SCNN1A: variants seen among roughly 807,000 people sequenced by gnomAD.
SCNN1A encodes sodium channel epithelial 1 subunit alpha.
SCNN1A carries 65 observed loss-of-function variants against 68.6 expected under a neutral mutation model. That is an observed-to-expected ratio of 0.95 (90% CI 0.78 to 1.16). The LOEUF is 1.16. Ranked by LOEUF, SCNN1A falls within the 50% of genes most tolerant of loss-of-function variation. SCNN1A has a pLI of 0.00. For synonymous variants in SCNN1A, 357 were observed against 353.3 expected (o/e 1.01, Z -0.12); for missense variants, 880 against 865.9 (o/e 1.02, Z -0.20).
chr12:6,358,640 C>T (rs1948534821), intron 4 of SCNN1A, among the ~76,000 whole-genome samples: 2 of 152,052 alleles, frequency 1.3e-5, no homozygotes, highest in African/African-American at 4.8e-5. Context: ...AGGAGGATGG[C>T]TTGAGCTCAG....
chr12:6,354,656 T>C, intron 7 of SCNN1A, 94 bp downstream of exon 7: 2 of 1,113,766 alleles, frequency 1.8e-6, no homozygotes, highest in Non-Finnish European at 2.6e-6. Flanking sequence ...CCAGTTTCCC[T>C]CTCTCTCTCT....
upstream of SCNN1A, chr12:6,376,207 C>T (rs748408615): frequency 1.9e-4 from 186 of 984,288 alleles, no homozygotes; most frequent in African/African-American, 2.1e-4. Context: ...AGGTGGGATG[C>T]GTCTGCCTCC....
chr12:6,362,523 C>T (rs1565482132), intron 3 of SCNN1A, among the ~76,000 whole-genome samples: 2 of 152,066 alleles, frequency 1.3e-5, no homozygotes, highest in Non-Finnish European at 2.9e-5. Context: ...GTGGAAGGAG[C>T]AAGACTTTCC....
upstream of SCNN1A, chr12:6,375,570 A>G: frequency 6.5e-7 from 1 of 1,528,820 alleles, no homozygotes; most frequent in Non-Finnish European, 8.8e-7. Flanking sequence ...AAGCGACAGG[A>G]ATCTCATTAG....
At chr12:6,348,875 A>G in intron 11 of SCNN1A, 73 bp from the exon 12 acceptor site, 2 of 1,603,908 alleles carry the variant, frequency 1.2e-6, no homozygotes. Context: ...AATCAACCAT[A>G]TCGATCCCTC....
In SCNN1A at chr12:6,363,528, G is replaced by GC. The variant is rs759611286; in HGVS notation, c.598dup (p.Ala200GlyfsTer6). 4 of 1,609,472 alleles carry GC rather than the reference G, an allele frequency of 2.5e-6. No homozygotes were observed. Among genetic ancestry groups the GC allele is most frequent in the Admixed American group, 1.7e-5 (1 of 59,628 alleles). The stretch of plus-strand genomic sequence containing the variant: ...GGAGGCCACGCTACGGGCTCGACGG[G>GC]CCCCGTGAGGCGGGGGCGGGACCCT... On this transcript the variant is annotated frameshift_variant, in exon 3 of 13. Transcript: ENST00000228916. LOFTEE classifies it high-confidence loss of function.
intron 8 of SCNN1A, among the ~76,000 whole-genome samples, chr12:6,353,433 C>T (rs1438911873): frequency 6.6e-6 from 1 of 152,032 alleles, no homozygotes; most frequent in Admixed American, 6.6e-5. Context: ...CCTCCAGAGC[C>T]TGCCCAGCTA....
At chr12:6,356,149 G>A in intron 4 of SCNN1A, 2 of 519,070 alleles carry the variant, frequency 3.9e-6, no homozygotes, top group Non-Finnish European at 7.0e-6. Flanking sequence ...TCAAACAGCT[G>A]GCCCAAGGTC....
chr12:6,363,774 G>T (rs1948625538), intron 2 of SCNN1A, 64 bp from the exon 3 acceptor site: 1 of 1,477,020 alleles, frequency 6.8e-7, no homozygotes, highest in Non-Finnish European at 9.1e-7. Flanking sequence ...GCCCCTCCGG[G>T]GTCAGGGTCC....
chr12:6,374,464 C>T lies in SCNN1A; in HGVS notation c.320G>A (p.Gly107Glu). The change falls in exon 2 of 13, where the codon GGA becomes GAA. Residue 107 changes from glycine to glutamate, a missense_variant. This residue lies in a region of SCNN1A where 758 missense variants were observed against 721.8 expected (regional missense o/e 1.05). Transcript: ENST00000228916. The surrounding 1 kb of genome is among the most constrained non-coding windows in gnomAD (Gnocchi z 6.2). ...MMYWQFGLLF[G>E]EYFSYPVSLN... ...GCTGACGGGGTAGCTGAAGTACTCT[C>T]CGAAAAGCAGGCCGAATTGCCAGTA... The T allele has an allele frequency of 6.2e-7, 1 of 1,614,236 alleles. No individual in the cohort carries two copies. The highest frequency in any genetic ancestry group is 8.5e-7 in the Non-Finnish European group (1 of 1,180,036).
At chr12:6,369,364 C>CACCTCCCTCCTGCCACCCTACGT (rs1447223126) in intron 2 of SCNN1A, among the ~76,000 whole-genome samples, 1 of 131,502 alleles carries the variant, frequency 7.6e-6, no homozygotes, top group Non-Finnish European at 1.6e-5. Context: ...CCACCCTACG[C>CACCTCCCTCCTGCCACCCTACGT]GCCTCCCTCC....
rs1157677305 is a variant in SCNN1A, at chr12:6,349,332, T to C, written c.1434A>G (p.Pro478=). Residue 478 remains proline, a synonymous_variant, in exon 9 of 13, where the codon CCA becomes CCG. Transcript: ENST00000228916. The stretch of plus-strand genomic sequence containing the variant: ...CCGGGGAAGGGGACACTAACCTGCA[T>C]GGCTTCCGGCACTTGGTGAAACAGC... ...HLGCFTKCRK[P]CSVTSYQLSA... is the part of the protein sequence containing the mutation. 2 of 1,613,412 alleles carry C rather than the reference T, an allele frequency of 1.2e-6. No individual in the cohort carries two copies. Among genetic ancestry groups the C allele is most frequent in the Non-Finnish European group, 1.7e-6 (2 of 1,179,694 alleles).
intron 2 of SCNN1A, among the ~76,000 whole-genome samples, chr12:6,369,258 G>C (rs1447657929): frequency 2.4e-5 from 3 of 126,118 alleles, no homozygotes; most frequent in East Asian, 2.1e-4. Context: ...CCTCCTCCAT[G>C]CTGCCACCCT....
intron 2 of SCNN1A, among the ~76,000 whole-genome samples, chr12:6,369,248 C>T (rs1321785953): frequency 6.9e-6 from 1 of 145,326 alleles, no homozygotes; most frequent in African/African-American, 2.7e-5. Flanking sequence ...TGCCCGGCTT[C>T]CTCCTCCATG....
chr12:6,353,876 A>C (rs111702098), intron 8 of SCNN1A: 19,561 of 150,562 alleles, frequency 0.13, 3,686 homozygotes, highest in African/African-American at 0.42. Flanking sequence ...GGCGTGAGCC[A>C]CCGCGCCCGG....
chr12:6,352,478 T>A (rs1422182582), intron 8 of SCNN1A, among the ~76,000 whole-genome samples: 4 of 152,152 alleles, frequency 2.6e-5, no homozygotes, highest in Non-Finnish European at 5.9e-5. Context: ...CCTTACTTCC[T>A]CTCTCATCCT....
At chr12:6,368,196 C>T (rs765120345) in intron 2 of SCNN1A, among the ~76,000 whole-genome samples, 27 of 152,294 alleles carry the variant, frequency 1.8e-4, no homozygotes, top group Middle Eastern at 3.4e-3. Context: ...CAATGAACCT[C>T]GAATCGAGTG....
At chr12:6,370,989 CAG>C (rs1380163470) in intron 2 of SCNN1A, among the ~76,000 whole-genome samples, 1 of 152,192 alleles carries the variant, frequency 6.6e-6, no homozygotes. Context: ...CTTTGTTGAC[CAG>C]AGAGAAAGGG....
rs1238730526 is a variant in SCNN1A at position 6,348,965 on chromosome 12, G to A, written c.1538C>T (p.Thr513Ile). ...CAGGACTGACCTCTTGTTGTTGACG[G>A]TGTAATTGTTCTGTCGCGATAGCAT... ...FQMLSRQNNY[T>I]VNNKRNGVAK... The change falls in exon 11 of 13, where the codon ACC becomes ATC. Residue 513 changes from threonine to isoleucine, a missense_variant. By Grantham distance (89) the Thr-to-Ile change is moderately conservative (BLOSUM62 -1). This residue lies in a region of SCNN1A where 758 missense variants were observed against 721.8 expected (regional missense o/e 1.05). Coordinates refer to ENST00000228916, the MANE Select transcript of SCNN1A (RefSeq NM_001038.6). The A allele has an allele frequency of 3.1e-6, 5 of 1,614,106 alleles. No homozygotes were observed. In the South Asian group the frequency reaches 5.5e-5, roughly 18 times the overall value.
Sources: gnomAD v4.1 joint callset for allele counts (sites outside exome capture counted in the v4.1 genomes callset) on GRCh38, gnomAD v4.1.1 for gene constraint, gnomAD v4.1.1 regional missense constraint, Gnocchi (gnomAD v3.1) non-coding constraint, MANE v1.5 for transcripts, NCBI Gene and HGNC (gene_info 2026-07-23, HGNC 2026-07-21) for gene names.